The following PRKG1 variants were observed in gnomAD, a reference collection of about 807,000 sequenced individuals.
The protein encoded by PRKG1 is cGMP-dependent protein kinase 1.
In PRKG1, 35 loss-of-function variants were observed where a neutral mutation model predicts 88.1. The observed-to-expected ratio is 0.40, with a 90% CI of 0.30 to 0.53. PRKG1 has a LOEUF of 0.53. Ranked by LOEUF, PRKG1 falls within the 20% of genes least tolerant of loss-of-function variation. The probability of loss-of-function intolerance (pLI) is 0.59; values close to 1 mark genes in which losing one functional copy is unlikely to be tolerated. For missense variants in PRKG1, 540 were observed against 839.8 expected (o/e 0.64, Z 4.41); for synonymous variants, 303 against 292.5 (o/e 1.04, Z -0.37).
chr10:51,216,828 A>G (rs1228886160), intron 2 of PRKG1, among the ~76,000 whole-genome samples: 1 of 152,144 alleles, frequency 6.6e-6, no homozygotes, highest in Non-Finnish European at 1.5e-5. Flanking sequence ...TTTAAAAAGT[A>G]TATTTGGTAG....
chr10:51,967,462 C>G (rs887637425), intron 5 of PRKG1, among the ~76,000 whole-genome samples: 21 of 151,672 alleles, frequency 1.4e-4, no homozygotes, highest in Admixed American at 1.2e-3. Flanking sequence ...CTAATGTATA[C>G]GACGTGTTAA....
intron 4 of PRKG1, among the ~76,000 whole-genome samples, chr10:51,808,518 A>G (rs1156245884): frequency 6.6e-6 from 1 of 152,092 alleles, no homozygotes; most frequent in Admixed American, 6.6e-5. Context: ...GGGGAGGATC[A>G]CTTGGGCCTG....
intron 2 of PRKG1, among the ~76,000 whole-genome samples, chr10:51,342,392 G>T (rs1842022284): frequency 1.3e-5 from 2 of 152,024 alleles, no homozygotes; most frequent in Non-Finnish European, 2.9e-5. Context: ...CTTATACAGA[G>T]AAATACCACA....
Position 51,760,479 on chromosome 10 carries a change from T to G in PRKG1, c.593-44106T>G, listed in dbSNP as rs370191162. Among the ~76,000 whole-genome samples the G allele has an allele frequency of 3.7e-3, 219 of 59,602 alleles. 1 individual carries two copies. The highest frequency in any genetic ancestry group is 0.011 in the African/African-American group (197 of 18,274). The allele number at this position is 59,602 out of a possible 152,430, so 39.1% of individuals were successfully genotyped here. A position where few individuals can be genotyped will look rare whatever the true frequency, so the allele number is the denominator to read the frequency against. On this transcript the variant is annotated intron_variant, in intron 3 of 17. Transcript: ENST00000373980. Reference sequence around the variant, plus strand: ...TCTATTGCTTGACTTTTCGTTTTTTTTTTTTTTTTTGAGACCAAGTCTTGC... The same window carrying G: ...TCTATTGCTTGACTTTTCGTTTTTTGTTTTTTTTTTGAGACCAAGTCTTGC...
chr10:52,137,321 T>C (rs1277725440), intron 8 of PRKG1, among the ~76,000 whole-genome samples: 1 of 152,016 alleles, frequency 6.6e-6, no homozygotes, highest in Non-Finnish European at 1.5e-5. Flanking sequence ...ACTTATTATC[T>C]TAATAAGTAC....
At chr10:51,000,257 C>G (rs74133926) in intron 1 of PRKG1, among the ~76,000 whole-genome samples, 298 of 152,284 alleles carry the variant, frequency 2.0e-3, no homozygotes, top group African/African-American at 6.3e-3. Context: ...AGGCACCTCC[C>G]GAGGGATAGC....
chr10:51,812,462 G>A (rs1165074130), intron 4 of PRKG1, among the ~76,000 whole-genome samples: 1 of 152,156 alleles, frequency 6.6e-6, no homozygotes, highest in African/African-American at 2.4e-5. Context: ...CCAGCTGCAG[G>A]CATTGCAGTT....
chr10:52,246,079 A>G (rs576186386), intron 9 of PRKG1, among the ~76,000 whole-genome samples: 1 of 152,286 alleles, frequency 6.6e-6, no homozygotes, highest in Non-Finnish European at 1.5e-5. Flanking sequence ...GAAACATTAT[A>G]TTTGGTTTCC....
rs930651123 is a variant in PRKG1 at position 51,848,595 on chromosome 10, T to C, written c.698+43905T>C. On this transcript the variant is annotated intron_variant, in intron 4 of 17. Coordinates refer to ENST00000373980, the MANE Select transcript of PRKG1 (RefSeq NM_006258.4). ...ATTATTTCCTAGAGACAGAAGATCA[T>C]CAGGGAGTAGAGTTCCATTAATTCT... Among the ~76,000 whole-genome samples, 5 of 151,934 alleles carry C rather than the reference T, an allele frequency of 3.3e-5. No homozygotes were observed. In the East Asian group the frequency reaches 9.6e-4, roughly 29 times the overall value.
At chr10:51,205,295 T>A (rs112199293) in intron 2 of PRKG1, among the ~76,000 whole-genome samples, 3,047 of 148,582 alleles carry the variant, frequency 0.021, 49 homozygotes, top group Middle Eastern at 0.058. Context: ...ACTGCCACCA[T>A]GCCCAGCTAA....
At chr10:51,015,937 A>T (rs547949434) in intron 1 of PRKG1, among the ~76,000 whole-genome samples, 13 of 152,168 alleles carry the variant, frequency 8.5e-5, no homozygotes, top group Non-Finnish European at 1.6e-4. Context: ...GGGTCTTCTC[A>T]CAGCTGTGTT....
chr10:51,796,573 G>A (rs74132429), intron 3 of PRKG1, among the ~76,000 whole-genome samples: 1,857 of 152,186 alleles, frequency 0.012, 48 homozygotes, highest in African/African-American at 0.042. Context: ...TAAAAGTTTA[G>A]CACAGAAGGG....
At chr10:51,931,529 C>T (rs1589431798) in intron 5 of PRKG1, among the ~76,000 whole-genome samples, 2 of 152,162 alleles carry the variant, frequency 1.3e-5, no homozygotes, top group East Asian at 1.9e-4. Context: ...CCAATCCCCT[C>T]ATGTTATCAA....
intron 2 of PRKG1, among the ~76,000 whole-genome samples, chr10:51,241,977 TA>T (rs567149844): frequency 0.016 from 1,771 of 107,468 alleles, 20 homozygotes; most frequent in African/African-American, 0.037. Flanking sequence ...GCTGGAACAA[TA>T]AAAAAAAAAA....
At chr10:51,744,108 C>T (rs369021550) in intron 3 of PRKG1, among the ~76,000 whole-genome samples, 1 of 151,896 alleles carries the variant, frequency 6.6e-6, no homozygotes, top group Non-Finnish European at 1.5e-5. Flanking sequence ...TATAGTAATA[C>T]TATTCATATA....
intron 3 of PRKG1, among the ~76,000 whole-genome samples, chr10:51,473,243 CAAT>C (rs1257122033): frequency 6.6e-6 from 1 of 151,818 alleles, no homozygotes; most frequent in Non-Finnish European, 1.5e-5. Flanking sequence ...CACTAGGTAT[CAAT>C]GATGCTACAT....
At chr10:51,309,258 A>G (rs1025947259) in intron 2 of PRKG1, among the ~76,000 whole-genome samples, 1 of 152,188 alleles carries the variant, frequency 6.6e-6, no homozygotes, top group Non-Finnish European at 1.5e-5. Flanking sequence ...AGTCTCTTTC[A>G]TAAACTCCTA....
chr10:51,470,767 G>T (rs1840028681), intron 3 of PRKG1, among the ~76,000 whole-genome samples: 1 of 151,840 alleles, frequency 6.6e-6, no homozygotes, highest in Non-Finnish European at 1.5e-5. Context: ...TAAAGCTCTA[G>T]ATTGACATAT....
intron 2 of PRKG1, among the ~76,000 whole-genome samples, chr10:51,315,581 A>G (rs1273467882): frequency 1.3e-5 from 2 of 152,166 alleles, no homozygotes; most frequent in African/African-American, 4.8e-5. Flanking sequence ...GGCACTGACT[A>G]TCCGGTTTAA....
Sources: gnomAD v4.1 joint callset for allele counts (sites outside exome capture counted in the v4.1 genomes callset) on GRCh38, gnomAD v4.1.1 for gene constraint, MANE v1.5 for transcripts, NCBI Gene and HGNC (gene_info 2026-07-23, HGNC 2026-07-21) for gene names.